Variants in ROBO2 observed in about 807,000 individuals in gnomAD.
The protein encoded by ROBO2 is roundabout homolog 2.
A neutral mutation model predicts 160.8 loss-of-function variants in ROBO2; 53 were observed. The observed-to-expected ratio is 0.33, with a 90% CI of 0.26 to 0.41. The LOEUF is 0.41. ROBO2 is among the 10% of genes least tolerant of loss of function. The probability of loss-of-function intolerance (pLI) is 1.00; values close to 1 mark genes in which losing one functional copy is unlikely to be tolerated. For synonymous variants in ROBO2, 664 were observed against 611.7 expected, an observed-to-expected ratio of 1.09 and a Z score of -1.26; for missense variants, 1,577 against 1,722.4, an observed-to-expected ratio of 0.92 and a Z score of 1.49.
chr3:76,067,246 C>T (rs1198038923), intron 2 of ROBO2, among the ~76,000 whole-genome samples: 1 of 152,086 alleles, frequency 6.6e-6, no homozygotes, highest in Non-Finnish European at 1.5e-5. Context: ...ATAAAGAATA[C>T]AACACAGCTC....
chr3:76,589,298 C>CT (rs926074432), intron 2 of ROBO2, among the ~76,000 whole-genome samples: 18 of 151,524 alleles, frequency 1.2e-4, no homozygotes, highest in African/African-American at 2.7e-4. Flanking sequence ...AAACACTTGG[C>CT]TTTTTGTTTG....
At chr3:77,260,778 G>A (rs2058724331) in intron 2 of ROBO2, among the ~76,000 whole-genome samples, 3 of 152,136 alleles carry the variant, frequency 2.0e-5, no homozygotes, top group Non-Finnish European at 2.9e-5. Context: ...TCGAGCCCCC[G>A]AAATGATGAA....
intron 2 of ROBO2, among the ~76,000 whole-genome samples, chr3:76,352,287 A>G (rs987566135): frequency 6.6e-6 from 1 of 151,986 alleles, no homozygotes; most frequent in Admixed American, 6.6e-5. Flanking sequence ...TCAAGTTGAC[A>G]AAGTGGCTAT....
At chr3:77,404,360 G>A (rs771457361) in intron 2 of ROBO2, among the ~76,000 whole-genome samples, 1 of 152,094 alleles carries the variant, frequency 6.6e-6, no homozygotes, top group East Asian at 1.9e-4. Flanking sequence ...GTCACTTGCA[G>A]TATGTCTTCT....
intron 6 of ROBO2, among the ~76,000 whole-genome samples, chr3:77,523,383 A>T (rs1173583780): frequency 6.6e-6 from 1 of 151,390 alleles, no homozygotes; most frequent in Non-Finnish European, 1.5e-5. Context: ...GTGAAAATGA[A>T]TACAGAGGAG....
intron 2 of ROBO2, among the ~76,000 whole-genome samples, chr3:77,454,521 A>T (rs2081423692): frequency 6.6e-6 from 1 of 152,164 alleles, no homozygotes; most frequent in Non-Finnish European, 1.5e-5. Flanking sequence ...TATTTGTATT[A>T]ATCTCCTGCA....
At chr3:76,593,306 C>T (rs2086536858) in intron 2 of ROBO2, among the ~76,000 whole-genome samples, 1 of 151,964 alleles carries the variant, frequency 6.6e-6, no homozygotes. Flanking sequence ...GATAGATCAT[C>T]AAGATTGGCT....
At chr3:77,439,591 A>T (rs1047503621) in intron 2 of ROBO2, among the ~76,000 whole-genome samples, 12 of 152,256 alleles carry the variant, frequency 7.9e-5, no homozygotes, top group African/African-American at 2.6e-4. Context: ...CCAAAAGAAT[A>T]CCTTATTAAG....
intron 19 of ROBO2, among the ~76,000 whole-genome samples, chr3:77,598,787 A>G (rs2094368976): frequency 6.6e-6 from 1 of 152,138 alleles, no homozygotes; most frequent in South Asian, 2.1e-4. Flanking sequence ...TCATCAGGAA[A>G]CAAGAATGTC....
At chr3:77,174,468 G>A (rs990002276) in intron 2 of ROBO2, among the ~76,000 whole-genome samples, 1 of 151,770 alleles carries the variant, frequency 6.6e-6, no homozygotes, top group Non-Finnish European at 1.5e-5. Context: ...CTTGCTGTGG[G>A]GTTTTTTAAA....
intron 2 of ROBO2, among the ~76,000 whole-genome samples, chr3:76,185,412 G>A (rs527715929): frequency 6.6e-5 from 10 of 151,804 alleles, no homozygotes; most frequent in Non-Finnish European, 1.3e-4. Context: ...TATTTACAGT[G>A]ATGTGCTGGG....
intron 2 of ROBO2, among the ~76,000 whole-genome samples, chr3:76,655,020 T>G (rs1338692917): frequency 6.6e-6 from 1 of 150,646 alleles, no homozygotes; most frequent in Non-Finnish European, 1.5e-5. Context: ...GGCCCATGCA[T>G]GAGAATGTTG....
intron 2 of ROBO2, among the ~76,000 whole-genome samples, chr3:76,323,284 A>T (rs1381812124): frequency 1.3e-5 from 2 of 152,030 alleles, no homozygotes; most frequent in African/African-American, 4.8e-5. Context: ...TATATTAAGC[A>T]CTACTTTTCT....
chr3:76,149,437 G>C (rs2072056697), intron 2 of ROBO2, among the ~76,000 whole-genome samples: 1 of 152,070 alleles, frequency 6.6e-6, no homozygotes, highest in Non-Finnish European at 1.5e-5. Context: ...TGCGCTTGCT[G>C]TCACTCCTGT....
At chr3:77,559,801 A>G (rs2093261131) in intron 9 of ROBO2, among the ~76,000 whole-genome samples, 1 of 151,992 alleles carries the variant, frequency 6.6e-6, no homozygotes, top group Non-Finnish European at 1.5e-5. Context: ...TACTTTATAT[A>G]TATAATATTT....
intron 2 of ROBO2, among the ~76,000 whole-genome samples, chr3:76,109,572 T>C (rs2070122967): frequency 1.3e-5 from 2 of 152,134 alleles, no homozygotes; most frequent in Non-Finnish European, 2.9e-5. Context: ...CTGTGCCTCC[T>C]GCTTTCAATG....
chr3:76,083,431 G>GTTC (rs1479865014), intron 2 of ROBO2, among the ~76,000 whole-genome samples: 1 of 152,046 alleles, frequency 6.6e-6, no homozygotes, highest in African/African-American at 2.4e-5. Context: ...CTTTGAGATT[G>GTTC]ACCACTGTTC....
chr3:76,709,790 CA>C (rs1470658221), intron 2 of ROBO2, among the ~76,000 whole-genome samples: 1 of 152,018 alleles, frequency 6.6e-6, no homozygotes, highest in East Asian at 1.9e-4. Context: ...AGTATATTTG[CA>C]AAAATAAAAT....
chr3:77,645,904 C>A (rs1159433986), intron 25 of ROBO2, 150 bp from the exon 28 acceptor site: 1 of 538,236 alleles, frequency 1.9e-6, no homozygotes, highest in African/African-American at 1.9e-5. Context: ...TTGATCATCT[C>A]CTTCAAGTAA....
Sources: allele counts gnomAD v4.1 joint callset (sites outside exome capture counted in the v4.1 genomes callset), GRCh38; gene constraint gnomAD v4.1.1; transcripts MANE v1.5; gene names NCBI Gene and HGNC (gene_info 2026-07-23, HGNC 2026-07-21).